Variants in DNAH2 observed in about 807,000 individuals in gnomAD.
DNAH2 encodes axonemal beta dynein heavy chain 2.
In DNAH2, 323 loss-of-function variants were observed where a neutral mutation model predicts 523.5. The observed-to-expected ratio is 0.62, with a 90% confidence interval of 0.56 to 0.68. DNAH2 has a LOEUF of 0.68. Among genes scored for constraint, DNAH2 ranks in the 30% least tolerant of loss-of-function variants. The pLI, the probability that DNAH2 is intolerant of heterozygous loss-of-function variation, is 0.00. For synonymous variants in DNAH2, 2,093 were observed against 2,177.4 expected (o/e 0.96, Z 1.08); for missense variants, 4,907 against 5,701.5 (o/e 0.86, Z 4.49).
At chr17:7,830,153 A>G (rs2078128984) in intron 77 of DNAH2, 147 bp from the exon 78 acceptor site, 11 of 760,138 alleles carry the variant, frequency 1.4e-5, no homozygotes, top group Non-Finnish European at 8.1e-6. Context: ...CTTGGCATGT[A>G]GATCAACGGC....
chr17:7,722,997 C>T (rs1481631550), intron 2 of DNAH2, among the ~76,000 whole-genome samples: 17 of 109,068 alleles, frequency 1.6e-4, no homozygotes, highest in African/African-American at 5.5e-4. Context: ...GAGACAGAGT[C>T]TTCGCTCTGT....
At chr17:7,792,469 T>C (rs889842091) in intron 46 of DNAH2, 126 bp downstream of exon 46, 3 of 1,120,202 alleles carry the variant, frequency 2.7e-6, no homozygotes, top group Non-Finnish European at 3.9e-6. Context: ...AGAGAAGGGC[T>C]GCCTCTTGAG....
At chr17:7,822,643 T>TC (rs1358661961) in intron 73 of DNAH2, among the ~76,000 whole-genome samples, 1 of 151,918 alleles carries the variant, frequency 6.6e-6, no homozygotes, top group Non-Finnish European at 1.5e-5. Context: ...TGTTTTTGGT[T>TC]CATAATCTGC....
chr17:7,727,463 G>A (rs1219822386), intron 4 of DNAH2, among the ~76,000 whole-genome samples, 171 bp downstream of exon 4: 1 of 152,104 alleles, frequency 6.6e-6, no homozygotes, highest in Non-Finnish European at 1.5e-5. Context: ...ACGCAAGAAC[G>A]CTGTCATGGG....
intron 4 of DNAH2, among the ~76,000 whole-genome samples, chr17:7,730,438 T>A (rs2074950496): frequency 1.3e-5 from 2 of 152,160 alleles, no homozygotes; most frequent in Admixed American, 6.5e-5. Context: ...AATGTAAAGA[T>A]AAAATACAAG....
intron 44 of DNAH2, among the ~76,000 whole-genome samples, chr17:7,791,596 A>G (rs759791212): frequency 1.3e-5 from 2 of 152,180 alleles, no homozygotes; most frequent in African/African-American, 4.8e-5. Flanking sequence ...ACAAGTCACT[A>G]TGAATGTTCC....
In DNAH2 at chr17:7,775,681, G is replaced by A. The variant is rs557118751; in HGVS notation, c.4821+339G>A. ...GCCTGGGGAACAAGAGTGAAACTCC[G>A]TCTCAAAACCAAAAAAAAAAAAAGA... On this transcript the variant is annotated intron_variant, in intron 30 of 85. Transcript: ENST00000572933. Among the ~76,000 whole-genome samples, 387 of 128,084 alleles carry A rather than the reference G, an allele frequency of 3.0e-3. 3 individuals carry two copies. Among genetic ancestry groups the A allele is most frequent in the African/African-American group, 0.011 (369 of 33,648 alleles). The allele number at this position is 128,084 out of a possible 152,430, so 84.0% of individuals were successfully genotyped here.
chr17:7,736,045 G>A (rs867342774), intron 7 of DNAH2, among the ~76,000 whole-genome samples: 2 of 151,730 alleles, frequency 1.3e-5, no homozygotes, highest in Middle Eastern at 3.2e-3. Flanking sequence ...CAGCCACCTC[G>A]CCCGGCCTAA....
chr17:7,821,857 C>T lies in DNAH2; in HGVS notation c.11142+488C>T, dbSNP rs1458299529. Among the ~76,000 whole-genome samples the T allele has an allele frequency of 2.0e-5, 3 of 152,134 alleles. No individual in the cohort carries two copies. Among genetic ancestry groups the T allele is most frequent in the Non-Finnish European group, 4.4e-5 (3 of 68,008 alleles). On this transcript the variant is annotated intron_variant, in intron 73 of 85. Transcript: ENST00000572933. This position sits in a 1 kb window ranked among gnomAD's most constrained non-coding sequence, Gnocchi z 5.0. ...ACTGGACGCGCTTTAAGTCCATGATCGTGAACCTCAAGGAGGCCCCTAAGG... is the reference window on the plus strand; with the variant it reads ...ACTGGACGCGCTTTAAGTCCATGATTGTGAACCTCAAGGAGGCCCCTAAGG...
At chr17:7,759,337 C>T (rs1471258986) in intron 15 of DNAH2, 85 bp from the exon 16 acceptor site, 17 of 1,518,740 alleles carry the variant, frequency 1.1e-5, no homozygotes, top group Non-Finnish European at 1.5e-5. Flanking sequence ...CAACTTGTTT[C>T]CTTCCCTGTT....
At chr17:7,804,226 C>T (rs370251856) in intron 58 of DNAH2, 30 bp from the exon 59 acceptor site, 26 of 1,612,116 alleles carry the variant, frequency 1.6e-5, no homozygotes, top group Non-Finnish European at 1.9e-5. Context: ...AGCCCCGCCT[C>T]TCCACACCCT....
chr17:7,833,026 A>C, intron 84 of DNAH2, 45 bp from the exon 85 acceptor site: 2 of 1,613,038 alleles, frequency 1.2e-6, no homozygotes, highest in Non-Finnish European at 1.7e-6. Context: ...GGGCGCTGGC[A>C]ATTGAAGTCT....
At position 7,830,333 on chromosome 17, in the gene DNAH2, C is replaced by T; in HGVS notation, c.11887C>T (p.Leu3963=). The change falls in exon 78 of 86, where the codon CTG becomes TTG. Residue 3963 remains leucine (L), a synonymous_variant. Coordinates refer to ENST00000572933, the MANE Select transcript of DNAH2 (RefSeq NM_020877.5). The part of the protein sequence containing the change: ...LKANMTRLYQ[L]MSEPQFSRCS... Reference sequence around the variant, plus strand: ...GGCCAACATGACACGTCTTTACCAACTGATGTCAGAACCACAGTTTTCCCG... The same window carrying T: ...GGCCAACATGACACGTCTTTACCAATTGATGTCAGAACCACAGTTTTCCCG... 6.2e-7 allele frequency: 1 copy of T among 1,614,230 alleles called. No homozygotes were observed. Among genetic ancestry groups the T allele is most frequent in the Non-Finnish European group, 8.5e-7 (1 of 1,180,034 alleles).
chr17:7,812,951 CAA>C (rs61164962), intron 63 of DNAH2, among the ~76,000 whole-genome samples: 14 of 122,274 alleles, frequency 1.1e-4, no homozygotes, highest in Admixed American at 1.7e-4. Context: ...GACTCTGTGT[CAA>C]AAAAAAAAAA....
At chr17:7,766,665 T>TTTG (rs2076177735) in intron 22 of DNAH2, among the ~76,000 whole-genome samples, 184 bp downstream of exon 22, 1 of 137,694 alleles carries the variant, frequency 7.3e-6, no homozygotes, top group Non-Finnish European at 1.5e-5. Flanking sequence ...TTTTTTTTTT[T>TTTG]GAGATAGAGT....
chr17:7,735,213 C>A (rs2075106432), intron 7 of DNAH2, among the ~76,000 whole-genome samples: 2 of 152,172 alleles, frequency 1.3e-5, no homozygotes, highest in African/African-American at 4.8e-5. Flanking sequence ...TCACTGCAAC[C>A]TCTGCCTCCC....
At chr17:7,810,983 T>C (rs1407815844) in intron 63 of DNAH2, among the ~76,000 whole-genome samples, 27 of 152,216 alleles carry the variant, frequency 1.8e-4, no homozygotes, top group Non-Finnish European at 4.4e-5. Context: ...GTGGCGTAGA[T>C]AGGGCCCCAG....
At position 7,831,607 on chromosome 17, in the gene DNAH2, G is replaced by A. The variant is rs937575813; in HGVS notation, c.12612-54G>A. The A allele has an allele frequency of 1.9e-5, 30 of 1,613,098 alleles. No homozygotes were observed. Among genetic ancestry groups the A allele is most frequent in the Non-Finnish European group, 2.4e-5 (28 of 1,179,316 alleles). On this transcript the variant is annotated intron_variant, in intron 81 of 85. Transcript: ENST00000572933. The surrounding 1 kb of genome is among the most constrained non-coding windows in gnomAD (Gnocchi z 4.2). Reference sequence around the variant, plus strand: ...AGGAGAAGCCTTTGCCTTCTGGCTAGAATGACGTTCCCAGGCCCACCTCAT... The same window carrying A: ...AGGAGAAGCCTTTGCCTTCTGGCTAAAATGACGTTCCCAGGCCCACCTCAT...
At chr17:7,811,069 T>G (rs1260789364) in intron 63 of DNAH2, among the ~76,000 whole-genome samples, 6 of 152,134 alleles carry the variant, frequency 3.9e-5, no homozygotes. Context: ...AACATTCCCA[T>G]TTTTTCCCAT....
Sources: gnomAD v4.1 joint callset for allele counts (sites outside exome capture counted in the v4.1 genomes callset) on GRCh38, gnomAD v4.1.1 for gene constraint, Gnocchi (gnomAD v3.1) non-coding constraint, MANE v1.5 for transcripts, NCBI Gene and HGNC (gene_info 2026-07-23, HGNC 2026-07-21) for gene names.